Variants in EYS observed in about 807,000 individuals in gnomAD.
EYS encodes protein eyes shut homolog.
A neutral mutation model predicts 282.1 loss-of-function variants in EYS; 250 were observed. The ratio of observed to expected loss-of-function variants is 0.89; its 90% CI spans 0.80 to 0.98. The LOEUF is 0.98. EYS is among the 50% of genes least tolerant of loss of function. The pLI is 0.00. For synonymous variants in EYS, 1,355 were observed against 1,282.9 expected, an observed-to-expected ratio of 1.06 and a Z score of -1.20; for missense variants, 4,016 against 3,709.0, an observed-to-expected ratio of 1.08 and a Z score of -2.15.
chr6:64,664,208 G>C (rs1220080397), intron 22 of EYS, among the ~76,000 whole-genome samples: 1 of 152,170 alleles, frequency 6.6e-6, no homozygotes. Flanking sequence ...GACCCAAAGG[G>C]GGTTTCCCAC....
chr6:63,929,281 T>G (rs1323212556), intron 35 of EYS, among the ~76,000 whole-genome samples: 2 of 152,336 alleles, frequency 1.3e-5, no homozygotes, highest in South Asian at 2.1e-4. Flanking sequence ...CAGTAAACTG[T>G]AAGAAAACTG....
At chr6:65,625,301 GA>G (rs1390080924) in intron 2 of EYS, among the ~76,000 whole-genome samples, 2 of 152,192 alleles carry the variant, frequency 1.3e-5, no homozygotes, top group Non-Finnish European at 2.9e-5. Context: ...TTGGAGCAGA[GA>G]AACTAGCTGA....
chr6:64,359,026 A>G (rs1307854963), intron 29 of EYS, among the ~76,000 whole-genome samples: 2 of 151,662 alleles, frequency 1.3e-5, no homozygotes, highest in Admixed American at 1.3e-4. Flanking sequence ...TTAAGAGAAA[A>G]TAATGGTCCT....
intron 22 of EYS, among the ~76,000 whole-genome samples, chr6:64,640,486 A>G (rs867148485): frequency 2.4e-4 from 37 of 151,738 alleles, no homozygotes; most frequent in African/African-American, 8.9e-4. Context: ...ACCAAACACC[A>G]CATGTTCTCA....
chr6:64,522,463 A>T (rs974781200), intron 26 of EYS, among the ~76,000 whole-genome samples: 8 of 151,820 alleles, frequency 5.3e-5, no homozygotes, highest in Non-Finnish European at 1.0e-4. Context: ...CTGCATCCAG[A>T]GTAAGTAAGT....
chr6:64,188,734 T>TA (rs150468410), intron 31 of EYS, among the ~76,000 whole-genome samples: 4,115 of 152,212 alleles, frequency 0.027, 58 homozygotes, highest in African/African-American at 0.042. Context: ...GCCTGACATA[T>TA]AGTAATAACT....
chr6:65,283,093 T>C (rs1322214112), intron 12 of EYS, among the ~76,000 whole-genome samples: 2 of 151,964 alleles, frequency 1.3e-5, no homozygotes, highest in African/African-American at 2.4e-5. Flanking sequence ...TATTTGTTAA[T>C]ATACTACATT....
At chr6:64,794,386 C>A (rs1174643253) in intron 22 of EYS, among the ~76,000 whole-genome samples, 2 of 152,098 alleles carry the variant, frequency 1.3e-5, no homozygotes, top group Middle Eastern at 3.2e-3. Context: ...GTGACTGAAT[C>A]ATGGGGGCAG....
At chr6:63,937,459 C>T (rs1169729337) in intron 35 of EYS, among the ~76,000 whole-genome samples, 1 of 138,982 alleles carries the variant, frequency 7.2e-6, no homozygotes. Context: ...CGGCTCACTA[C>T]AATCTCCGCC....
chr6:64,106,557 CTTCT>C (rs1253047131), intron 31 of EYS, among the ~76,000 whole-genome samples: 1 of 151,884 alleles, frequency 6.6e-6, no homozygotes, highest in African/African-American at 2.4e-5. Context: ...TTTCCTCTGG[CTTCT>C]TTTAGAATTA....
At chr6:63,953,824 C>A (rs151062278) in intron 35 of EYS, among the ~76,000 whole-genome samples, 1 of 152,300 alleles carries the variant, frequency 6.6e-6, no homozygotes, top group Non-Finnish European at 1.5e-5. Flanking sequence ...TACACAAGAG[C>A]TGGGACCATG....
At chr6:64,836,549 G>C (rs1030616991) in intron 19 of EYS, among the ~76,000 whole-genome samples, 1 of 151,298 alleles carries the variant, frequency 6.6e-6, no homozygotes, top group African/African-American at 2.4e-5. Context: ...TACCTCACTA[G>C]CAGGCAGTAA....
chr6:65,528,042 C>G (rs2024792), intron 2 of EYS, among the ~76,000 whole-genome samples: 2 of 151,980 alleles, frequency 1.3e-5, no homozygotes, highest in Non-Finnish European at 2.9e-5. Context: ...GGTATCAGCT[C>G]GAGCACTATA....
intron 13 of EYS, among the ~76,000 whole-genome samples, chr6:65,026,062 A>G (rs2224207): frequency 0.34 from 51,529 of 152,054 alleles, 9,497 homozygotes; most frequent in African/African-American, 0.48. Context: ...TTCATCAGTC[A>G]TTACTTTTCT....
At chr6:65,421,588 T>C (rs911310937) in intron 5 of EYS, among the ~76,000 whole-genome samples, 27 of 151,914 alleles carry the variant, frequency 1.8e-4, no homozygotes, top group African/African-American at 6.5e-4. Context: ...TGGCTAACTG[T>C]TAGGAGCACA....
At chr6:64,781,148 G>A (rs188129479) in intron 22 of EYS, among the ~76,000 whole-genome samples, 1 of 152,198 alleles carries the variant, frequency 6.6e-6, no homozygotes, top group Non-Finnish European at 1.5e-5. Flanking sequence ...TGACAGATTT[G>A]GCAAATAAAA....
At chr6:65,158,673 A>T (rs1764783137) in intron 12 of EYS, among the ~76,000 whole-genome samples, 1 of 150,900 alleles carries the variant, frequency 6.6e-6, no homozygotes, top group Non-Finnish European at 1.5e-5. Flanking sequence ...AAACAAGGAA[A>T]TTATTCATAA....
intron 12 of EYS, among the ~76,000 whole-genome samples, chr6:65,286,144 C>A (rs1284749125): frequency 6.6e-6 from 1 of 151,766 alleles, no homozygotes; most frequent in East Asian, 1.9e-4. Context: ...CATACTTAGA[C>A]CTGTTCATTT....
chr6:65,696,340 A>G (rs1454761159), intron 1 of EYS, among the ~76,000 whole-genome samples: 4 of 152,046 alleles, frequency 2.6e-5, no homozygotes, highest in Admixed American at 2.0e-4. Flanking sequence ...TGATTCTAAA[A>G]TACAATTCGT....
Sources: allele counts gnomAD v4.1 joint callset (sites outside exome capture counted in the v4.1 genomes callset), GRCh38; gene constraint gnomAD v4.1.1; transcripts MANE v1.5; gene names NCBI Gene and HGNC (gene_info 2026-07-23, HGNC 2026-07-21).